The following NCAM1 variants were observed in gnomAD, a reference collection of about 807,000 sequenced individuals.
NCAM1 encodes antigen recognized by monoclonal antibody 5.1H11.
NCAM1 carries 14 observed loss-of-function variants against 109.8 expected under a neutral mutation model. That is an observed-to-expected ratio of 0.13 (90% CI 0.08 to 0.20). The LOEUF (loss-of-function observed/expected upper bound fraction) is 0.20, where lower values mean the gene tolerates loss of function less well. NCAM1 is among the 10% of genes least tolerant of loss of function. The pLI is 1.00. For synonymous variants in NCAM1, 418 were observed against 442.9 expected, an observed-to-expected ratio of 0.94 and a Z score of 0.70; for missense variants, 774 against 1,109.9, an observed-to-expected ratio of 0.70 and a Z score of 4.30.
chr11:113,221,259 T>G, intron 8 of NCAM1, 37 bp from the exon 9 acceptor site: 1 of 1,552,172 alleles, frequency 6.4e-7, no homozygotes, highest in South Asian at 1.2e-5. Flanking sequence ...AAAATTTTAC[T>G]GCTTTCTTGT....
chr11:112,961,669 ATT>A lies in NCAM1; in HGVS notation c.52+18_52+19del, dbSNP rs782014579. The stretch of plus-strand genomic sequence containing the variant: ...TGTTTTTCCTGGGAACTGCAGGTAC[ATT>A]TTTTTTTTTTTTAATTCTCAATCTG... On this transcript the variant is annotated splice_donor_region_variant and intron_variant, in intron 1 of 19. Coordinates refer to ENST00000316851, the MANE Select transcript of NCAM1 (RefSeq NM_181351.5). The A allele has an allele frequency of 1.7e-3, 2,084 of 1,193,730 alleles. No individual in the cohort carries two copies. Among genetic ancestry groups the A allele is most frequent in the Non-Finnish European group, 2.1e-3 (1,757 of 846,684 alleles). The allele number at this position is 1,193,730 out of a possible 1,614,324, so 73.9% of individuals were successfully genotyped here.
chr11:113,129,718 A>T (rs782239957), intron 1 of NCAM1, among the ~76,000 whole-genome samples: 5 of 152,204 alleles, frequency 3.3e-5, no homozygotes, highest in Non-Finnish European at 7.3e-5. Flanking sequence ...GGAGAGAGGC[A>T]GGAATGTGGA....
At chr11:113,085,660 A>G (rs2135717084) in intron 1 of NCAM1, among the ~76,000 whole-genome samples, 1 of 152,218 alleles carries the variant, frequency 6.6e-6, no homozygotes, top group Middle Eastern at 3.4e-3. Flanking sequence ...GTCTTCTACC[A>G]TTTACCACAG....
At chr11:113,217,621 G>A (rs976511406) in intron 8 of NCAM1, among the ~76,000 whole-genome samples, 15 of 152,122 alleles carry the variant, frequency 9.9e-5, no homozygotes, top group African/African-American at 3.4e-4. Context: ...TCCTTATTCT[G>A]TTGCCTCATA....
At chr11:113,128,620 C>T (rs1311515938) in intron 1 of NCAM1, among the ~76,000 whole-genome samples, 1 of 152,186 alleles carries the variant, frequency 6.6e-6, no homozygotes, top group Non-Finnish European at 1.5e-5. Context: ...CATAGGCATG[C>T]CCCCTCCTTT....
At position 113,255,899 on chromosome 11, in the gene NCAM1, C is replaced by T. The variant is rs782372161; in HGVS notation, c.1851C>T (p.Leu617=). 14 of 1,612,220 alleles carry T rather than the reference C, an allele frequency of 8.7e-6. No individual in the cohort carries two copies. Among genetic ancestry groups the T allele is most frequent in the African/African-American group, 5.4e-5 (4 of 74,726 alleles). ...PVQGEPSAPK[L]EGQMGEDGNS... Reference sequence around the variant, plus strand: ...CAGGGGAACCCAGTGCACCTAAGCTCGAAGGGCAGATGGGAGAGGATGGAA... The same window carrying T: ...CAGGGGAACCCAGTGCACCTAAGCTTGAAGGGCAGATGGGAGAGGATGGAA... The change falls in exon 16 of 20, where the codon CTC becomes CTT. Residue 617 remains leucine (L), a synonymous_variant. Transcript: ENST00000316851.
chr11:113,035,530 G>A (rs1049399439), intron 1 of NCAM1, among the ~76,000 whole-genome samples: 2 of 152,114 alleles, frequency 1.3e-5, no homozygotes, highest in East Asian at 3.9e-4. Context: ...GCCTACTGGG[G>A]AAATGTATTG....
At chr11:113,155,831 C>T (rs1942390111) in intron 1 of NCAM1, among the ~76,000 whole-genome samples, 1 of 152,104 alleles carries the variant, frequency 6.6e-6, no homozygotes, top group South Asian at 2.1e-4. Context: ...TTCTCCTCTC[C>T]TTCCCATTCC....
chr11:113,004,385 C>T lies in NCAM1; in HGVS notation c.52+42721C>T, dbSNP rs187665094. Among the ~76,000 whole-genome samples, 161 of 152,012 alleles carry T rather than the reference C, an allele frequency of 1.1e-3. 1 individual carries two copies. In the East Asian group the frequency reaches 0.013, roughly 13 times the overall value. On this transcript the variant is annotated intron_variant, in intron 1 of 19. Transcript: ENST00000316851. Reference sequence around the variant, plus strand: ...GCACGTGCCTGTAATCCCAGCTACTCGGGAGGCTGAGGCAGAGAATTGCTT... The same window carrying T: ...GCACGTGCCTGTAATCCCAGCTACTTGGGAGGCTGAGGCAGAGAATTGCTT...
intron 1 of NCAM1, among the ~76,000 whole-genome samples, chr11:113,046,495 T>G (rs1555080848): frequency 6.6e-6 from 1 of 152,200 alleles, no homozygotes; most frequent in Non-Finnish European, 1.5e-5. Flanking sequence ...ACATTACTTT[T>G]ACAGCCATAG....
Position 113,206,165 on chromosome 11 carries a change from C to A in NCAM1, c.613C>A (p.Gln205Lys), listed in dbSNP as rs782161510. 1 of 1,612,258 alleles carries A rather than the reference C, an allele frequency of 6.2e-7. No individual in the cohort carries two copies. Among genetic ancestry groups the A allele is most frequent in the Non-Finnish European group, 8.5e-7 (1 of 1,179,062 alleles). Residue 205 changes from glutamine (Q) to lysine (K), a missense_variant, in exon 5 of 20, where the codon CAG becomes AAG. Gln to Lys is a moderately conservative substitution (Grantham distance 53). Around this residue, in one of 4 missense-constraint regions of NCAM1, gnomAD observed 523 missense variants for 784.2 expected, o/e 0.67. Coordinates refer to ENST00000316851, the MANE Select transcript of NCAM1 (RefSeq NM_181351.5). ...GGGGGAGATCAACTTCAAGGACATT[C>A]AGGTCATTGTGAATGGTGAGGAGAG... The part of the protein sequence containing the change: ...ARGEINFKDI[Q>K]VIVNVPPTIQ...
At chr11:113,261,991 C>A (rs1028481794) in intron 17 of NCAM1, among the ~76,000 whole-genome samples, 1 of 152,114 alleles carries the variant, frequency 6.6e-6, no homozygotes, top group Non-Finnish European at 1.5e-5. Context: ...CCACTTAAGC[C>A]AGAGAGGGCT....
At chr11:113,255,768 A>C (rs1367988235) in intron 15 of NCAM1, 109 bp from the exon 16 acceptor site, 1 of 1,255,316 alleles carries the variant, frequency 8.0e-7, no homozygotes, top group Admixed American at 2.5e-5. Context: ...TGAATTTCTG[A>C]GAAAGCAAGA....
chr11:113,042,315 A>G (rs1033748828), intron 1 of NCAM1, among the ~76,000 whole-genome samples: 20 of 152,166 alleles, frequency 1.3e-4, no homozygotes, highest in African/African-American at 4.6e-4. Flanking sequence ...TCCACTAGCC[A>G]TGTCCTCCCA....
rs782318266 is a variant in NCAM1, at chr11:113,088,938, TA to T, written c.53-113436del. Among the ~76,000 whole-genome samples, 6 of 152,184 alleles carry T rather than the reference TA, an allele frequency of 3.9e-5. No homozygotes were observed. The South Asian group carries it at 6.2e-4, about 16-fold the overall frequency. On this transcript the variant is annotated intron_variant, in intron 1 of 19. Coordinates refer to ENST00000316851, the MANE Select transcript of NCAM1 (RefSeq NM_181351.5). ...AGCTATAATTGGCAACAGTATGCGT[TA>T]AAAATGTAAAATTAGCAAAGCAGTT... is the stretch of plus-strand genomic sequence containing the variant.
chr11:112,967,397 C>T (rs73002351), intron 1 of NCAM1, among the ~76,000 whole-genome samples: 3,755 of 152,298 alleles, frequency 0.025, 77 homozygotes, highest in Non-Finnish European at 0.042. Flanking sequence ...ATAATTTCTG[C>T]TGTCAGGGAA....
At chr11:113,198,467 G>T (rs953816514) in intron 1 of NCAM1, among the ~76,000 whole-genome samples, 2 of 151,914 alleles carry the variant, frequency 1.3e-5, no homozygotes, top group African/African-American at 4.8e-5. Flanking sequence ...CACCTCCCGG[G>T]TTCAAGCAAT....
chr11:113,253,930 G>A (rs1945766872), intron 15 of NCAM1, among the ~76,000 whole-genome samples: 1 of 152,170 alleles, frequency 6.6e-6, no homozygotes, highest in East Asian at 1.9e-4. Context: ...CTAAAACCTG[G>A]AATCTTCCAG....
At chr11:113,015,404 G>A (rs1349060314) in intron 1 of NCAM1, among the ~76,000 whole-genome samples, 5 of 152,222 alleles carry the variant, frequency 3.3e-5, no homozygotes, top group Admixed American at 1.3e-4. Flanking sequence ...TAGTTTGGGT[G>A]TAACCCTCTG....
Sources: gnomAD v4.1 joint callset for allele counts (sites outside exome capture counted in the v4.1 genomes callset) on GRCh38, gnomAD v4.1.1 for gene constraint, gnomAD v4.1.1 regional missense constraint, MANE v1.5 for transcripts, NCBI Gene and HGNC (gene_info 2026-07-23, HGNC 2026-07-21) for gene names.